SAMD5: variants seen among roughly 807,000 people sequenced by gnomAD.
The protein encoded by SAMD5 is sterile alpha motif domain-containing protein 5.
A neutral mutation model predicts 11.3 loss-of-function variants in SAMD5; 13 were observed. The observed-to-expected ratio is 1.15, with a 90% CI of 0.75 to 1.83. SAMD5 has a LOEUF of 1.83. SAMD5 is among the 40% of genes most tolerant of loss of function. The probability of loss-of-function intolerance (pLI) is 0.00; values close to 1 mark genes in which losing one functional copy is unlikely to be tolerated. For missense variants in SAMD5, 255 were observed against 239.1 expected, an observed-to-expected ratio of 1.07 and a Z score of -0.44; for synonymous variants, 129 against 111.3, an observed-to-expected ratio of 1.16 and a Z score of -1.00.
intron 1 of SAMD5, among the ~76,000 whole-genome samples, chr6:147,539,520 A>T (rs1373893814): frequency 6.6e-6 from 1 of 152,224 alleles, no homozygotes; most frequent in South Asian, 2.1e-4. Flanking sequence ...AAAACAGAAC[A>T]GTGCCTTTGA....
the SAMD5 span, among the ~76,000 whole-genome samples, chr6:147,926,350 A>G: frequency 7.2e-5 from 11 of 151,908 alleles, no homozygotes; most frequent in Non-Finnish European, 1.2e-4. Flanking sequence ...AGCATCTGTT[A>G]TTTTTTTATT....
chr6:147,928,281 A>T, the SAMD5 span, among the ~76,000 whole-genome samples: 1 of 152,076 alleles, frequency 6.6e-6, no homozygotes, highest in African/African-American at 2.4e-5. Context: ...CTGTGAATCC[A>T]TCTGATCTTG....
At chr6:147,670,672 A>G (rs908460149) in intron 1 of SAMD5, among the ~76,000 whole-genome samples, 17 of 152,208 alleles carry the variant, frequency 1.1e-4, no homozygotes, top group African/African-American at 4.1e-4. Flanking sequence ...CTTTTCTTCT[A>G]CAGCTTCCTT....
At chr6:147,877,775 T>G in the SAMD5 span, among the ~76,000 whole-genome samples, 1 of 151,628 alleles carries the variant, frequency 6.6e-6, no homozygotes, top group East Asian at 1.9e-4. Context: ...CCTGCAGATT[T>G]TGGGCTTGTA....
At chr6:147,632,064 T>C (rs1310709154) in intron 1 of SAMD5, among the ~76,000 whole-genome samples, 1 of 151,436 alleles carries the variant, frequency 6.6e-6, no homozygotes, top group Non-Finnish European at 1.5e-5. Flanking sequence ...AGTGGGGGAG[T>C]AGGTGGGAGT....
chr6:147,659,498 C>G (rs759670320), intron 1 of SAMD5, among the ~76,000 whole-genome samples: 1 of 152,140 alleles, frequency 6.6e-6, no homozygotes, highest in Non-Finnish European at 1.5e-5. Flanking sequence ...ACTAGCTCAA[C>G]TTCTGGCTGA....
At chr6:147,837,260 A>G in the SAMD5 span, among the ~76,000 whole-genome samples, 2 of 151,826 alleles carry the variant, frequency 1.3e-5, no homozygotes, top group Admixed American at 1.3e-4. Flanking sequence ...ACCCCAGAAG[A>G]CTCTGGGATA....
intron 1 of SAMD5, among the ~76,000 whole-genome samples, chr6:147,535,589 T>C (rs1269262977): frequency 6.6e-6 from 1 of 152,246 alleles, no homozygotes; most frequent in African/African-American, 2.4e-5. Context: ...AAATAAACTT[T>C]AGTCTTTCTG....
At chr6:147,878,608 TATAG>T in the SAMD5 span, among the ~76,000 whole-genome samples, 1 of 146,792 alleles carries the variant, frequency 6.8e-6, no homozygotes, top group East Asian at 2.0e-4. Flanking sequence ...TATATATCTA[TATAG>T]ATATATATGT....
At chr6:147,844,985 TTTC>T in the SAMD5 span, among the ~76,000 whole-genome samples, 2 of 152,160 alleles carry the variant, frequency 1.3e-5, no homozygotes, top group African/African-American at 4.8e-5. Context: ...AAAGAGAAGC[TTTC>T]AAATGTTCTC....
chr6:147,584,994 G>A (rs1293433382), intron 1 of SAMD5, among the ~76,000 whole-genome samples: 1 of 151,864 alleles, frequency 6.6e-6, no homozygotes, highest in Non-Finnish European at 1.5e-5. Context: ...GAGTATACTA[G>A]AAGCATTTGG....
Position 147,546,530 on chromosome 6 carries a change from C to CAAAAA in SAMD5, c.460-17855_460-17851dup, listed in dbSNP as rs752623961. Among the ~76,000 whole-genome samples the CAAAAA allele has an allele frequency of 1.8e-5, 2 of 112,206 alleles. 1 individual carries two copies. The highest frequency in any genetic ancestry group is 7.1e-5 in the African/African-American group (2 of 28,058). The allele number at this position is 112,206 out of a possible 152,430, so 73.6% of individuals were successfully genotyped here. On this transcript the variant is annotated intron_variant, in intron 1 of 1. Coordinates refer to ENST00000367474, the MANE Select transcript of SAMD5 (RefSeq NM_001030060.3). The stretch of plus-strand genomic sequence containing the variant: ...GGGCAACAAGAGCGAAACTCTGTCT[C>CAAAAA]AAAAAAAAAAAAATAGAGTGAGGCC...
chr6:147,572,701 C>A (rs930561194), downstream of SAMD5, among the ~76,000 whole-genome samples: 2 of 152,166 alleles, frequency 1.3e-5, no homozygotes, highest in Admixed American at 6.5e-5. Flanking sequence ...CAATTGATTT[C>A]TGCAATTATA....
chr6:147,695,826 A>G (rs968388877), intron 1 of SAMD5, among the ~76,000 whole-genome samples: 2 of 152,344 alleles, frequency 1.3e-5, no homozygotes, highest in East Asian at 3.9e-4. Context: ...TACTTTATAC[A>G]TATATATGCT....
intron 1 of SAMD5, among the ~76,000 whole-genome samples, chr6:147,560,268 C>T (rs548188597): frequency 3.9e-5 from 6 of 152,034 alleles, no homozygotes; most frequent in Admixed American, 1.3e-4. Flanking sequence ...GCCAGTGTAA[C>T]GTAGCTGAAT....
At chr6:147,782,409 T>C in the SAMD5 span, among the ~76,000 whole-genome samples, 1 of 152,200 alleles carries the variant, frequency 6.6e-6, no homozygotes. Context: ...CAGAAGGATA[T>C]GACTATATGA....
the SAMD5 span, among the ~76,000 whole-genome samples, chr6:147,929,092 C>A: frequency 1.1e-3 from 164 of 152,110 alleles, no homozygotes; most frequent in African/African-American, 3.8e-3. Context: ...TTAACTAGAG[C>A]AGTCACTCAA....
the SAMD5 span, among the ~76,000 whole-genome samples, chr6:147,788,334 AC>A: frequency 2.0e-5 from 3 of 152,244 alleles, no homozygotes; most frequent in African/African-American, 2.4e-5. Context: ...AACAGAAATT[AC>A]TGAAGAGTTT....
intron 1 of SAMD5, among the ~76,000 whole-genome samples, chr6:147,562,832 AAAT>A (rs1788975820): frequency 3.4e-5 from 5 of 148,658 alleles, no homozygotes. Context: ...AAAAAAAAAT[AAAT>A]AAATAAATAA....
Sources: allele counts gnomAD v4.1 joint callset (sites outside exome capture counted in the v4.1 genomes callset), GRCh38; gene constraint gnomAD v4.1.1; transcripts MANE v1.5; gene names NCBI Gene and HGNC (gene_info 2026-07-23, HGNC 2026-07-21).